URGCP: variants seen among roughly 807,000 people sequenced by gnomAD.
URGCP encodes the protein upregulator of cell proliferation.
Under a neutral mutation model 24.6 loss-of-function variants are expected in URGCP, and 13 were observed. That is an observed-to-expected ratio of 0.53 (90% confidence interval 0.34 to 0.84). URGCP has a LOEUF of 0.84. Among genes scored for constraint, URGCP ranks in the 40% least tolerant of loss-of-function variants. URGCP has a pLI of 0.01. For missense variants in URGCP, 899 were observed against 1,194.3 expected (o/e 0.75, Z 3.64); for synonymous variants, 444 against 487.2 (o/e 0.91, Z 1.17).
At chr7:43,915,642 C>T (rs904647341) in intron 1 of URGCP, among the ~76,000 whole-genome samples, 1 of 152,226 alleles carries the variant, frequency 6.6e-6, no homozygotes, top group Non-Finnish European at 1.5e-5. Context: ...TTCCACACCA[C>T]ATACCATGGA....
At chr7:43,906,830 G>A (rs1161344088), upstream of URGCP, 1 of 267,246 alleles carries the variant, frequency 3.7e-6, no homozygotes, top group Non-Finnish European at 6.8e-6. Context: ...GGTGCCTGGA[G>A]GCCGGAACTC....
chr7:43,915,536 A>G (rs2095914585), intron 1 of URGCP, among the ~76,000 whole-genome samples: 1 of 152,194 alleles, frequency 6.6e-6, no homozygotes, highest in African/African-American at 2.4e-5. Context: ...CTGCAGATGC[A>G]TGCATGGGAC....
intron 1 of URGCP, chr7:43,906,133 C>T (rs1258722394): frequency 6.6e-6 from 1 of 152,162 alleles, no homozygotes; most frequent in Non-Finnish European, 1.5e-5. Flanking sequence ...AAGTTTAAAA[C>T]CCAGGAACAT....
At chr7:43,922,126 G>A (rs1460317821) in intron 1 of URGCP, among the ~76,000 whole-genome samples, 4 of 151,862 alleles carry the variant, frequency 2.6e-5, no homozygotes, top group Non-Finnish European at 5.9e-5. Context: ...GTGCAGTGGC[G>A]CGATCTTGGC....
At chr7:43,898,117 T>C (rs1220685512) in intron 1 of URGCP, among the ~76,000 whole-genome samples, 1 of 152,156 alleles carries the variant, frequency 6.6e-6, no homozygotes, top group Non-Finnish European at 1.5e-5. Context: ...GCAACTTCCC[T>C]AAAGATACAT....
At chr7:43,911,877 T>C (rs970661743) in intron 1 of URGCP, among the ~76,000 whole-genome samples, 13 of 152,004 alleles carry the variant, frequency 8.6e-5, no homozygotes, top group African/African-American at 2.7e-4. Context: ...TTGATCATAA[T>C]GGAATGAAAC....
At chr7:43,892,419 C>T (rs1484303987) in intron 1 of URGCP, among the ~76,000 whole-genome samples, 2 of 151,398 alleles carry the variant, frequency 1.3e-5, no homozygotes, top group African/African-American at 4.9e-5. Flanking sequence ...GCGAACAGCC[C>T]CAATTTTTTT....
At chr7:43,889,661 C>A (rs1361328428) in intron 1 of URGCP, 1 of 152,224 alleles carries the variant, frequency 6.6e-6, no homozygotes, top group African/African-American at 2.4e-5. Flanking sequence ...TCCTCTCCTC[C>A]TCTTAATCTA....
intron 3 of URGCP, 198 bp from the exon 4 acceptor site, chr7:43,882,155 T>A: frequency 1.2e-6 from 1 of 813,506 alleles, no homozygotes; most frequent in Non-Finnish European, 1.8e-6. Context: ...TTTAAAAAAT[T>A]AGGCCAGGCA....
At chr7:43,885,554 G>C (rs532500910) in intron 3 of URGCP, among the ~76,000 whole-genome samples, 6 of 152,190 alleles carry the variant, frequency 3.9e-5, no homozygotes, top group South Asian at 4.1e-4. Context: ...TCAGTAGAGA[G>C]AGACACAGAG....
intron 1 of URGCP, among the ~76,000 whole-genome samples, chr7:43,922,428 C>T (rs531807075): frequency 1.1e-3 from 162 of 152,318 alleles, no homozygotes; most frequent in African/African-American, 3.8e-3. Context: ...TATAGTCGCA[C>T]CAGAATGTGT....
intron 1 of URGCP, among the ~76,000 whole-genome samples, chr7:43,891,129 C>T (rs1438536879): frequency 6.6e-6 from 1 of 152,200 alleles, no homozygotes; most frequent in African/African-American, 2.4e-5. Flanking sequence ...GCTGACCTAC[C>T]TCAGAATATG....
chr7:43,879,516 A>C (rs2095850795), intron 5 of URGCP, among the ~76,000 whole-genome samples: 1 of 152,246 alleles, frequency 6.6e-6, no homozygotes, highest in Non-Finnish European at 1.5e-5. Flanking sequence ...GAAAGAACAG[A>C]AATAAATAAG....
chr7:43,881,699 T>C lies in URGCP; in HGVS notation c.164-2A>G. On this transcript the variant is annotated splice_acceptor_variant, in intron 4 of 5. Coordinates refer to ENST00000453200, the MANE Select transcript of URGCP (RefSeq NM_001077663.3). LOFTEE classifies it high-confidence loss of function. The stretch of plus-strand genomic sequence containing the variant: ...TGTCCTGAGCCTCATTTGTACCATC[T>C]ATGGAAAAAGCAATGGAAAATGAAG... 6.2e-7 allele frequency: 1 copy of C among 1,614,088 alleles called. No individual in the cohort carries two copies. Among genetic ancestry groups the C allele is most frequent in the East Asian group, 2.2e-5 (1 of 44,882 alleles).
chr7:43,917,806 A>G (rs1272693769), intron 1 of URGCP, among the ~76,000 whole-genome samples: 1 of 152,102 alleles, frequency 6.6e-6, no homozygotes, highest in Non-Finnish European at 1.5e-5. Context: ...CCCTGTCTCT[A>G]TAAAAAATAA....
At chr7:43,925,971 G>A (rs1313889756) in intron 1 of URGCP, among the ~76,000 whole-genome samples, 4 of 152,220 alleles carry the variant, frequency 2.6e-5, no homozygotes, top group Middle Eastern at 3.4e-3. Context: ...TCTAAGGCCA[G>A]GGTTCTCAAT....
intron 1 of URGCP, among the ~76,000 whole-genome samples, chr7:43,921,028 T>TA (rs2095921804): frequency 1.3e-5 from 2 of 152,134 alleles, no homozygotes; most frequent in South Asian, 4.1e-4. Context: ...GTGATGTCTG[T>TA]AAAAAAGAGA....
At chr7:43,890,440 T>A (rs1585806131) in intron 1 of URGCP, among the ~76,000 whole-genome samples, 1 of 148,972 alleles carries the variant, frequency 6.7e-6, no homozygotes, top group South Asian at 2.1e-4. Flanking sequence ...ATGGTCTCGA[T>A]CTCCTGACCT....
intron 1 of URGCP, among the ~76,000 whole-genome samples, chr7:43,896,711 C>A (rs1393909830): frequency 1.3e-5 from 2 of 152,102 alleles, no homozygotes; most frequent in Non-Finnish European, 2.9e-5. Flanking sequence ...ACTGCACAAA[C>A]AGTAAACAAA....
Sources: allele counts gnomAD v4.1 joint callset (sites outside exome capture counted in the v4.1 genomes callset), GRCh38; gene constraint gnomAD v4.1.1; transcripts MANE v1.5; gene names NCBI Gene and HGNC (gene_info 2026-07-23, HGNC 2026-07-21).